The following SLC4A10 variants were observed in gnomAD, a reference collection of about 807,000 sequenced individuals.
SLC4A10 encodes the protein sodium-driven chloride bicarbonate exchanger.
A neutral mutation model predicts 137.7 loss-of-function variants in SLC4A10; 42 were observed. The ratio of observed to expected loss-of-function variants is 0.30; its 90% CI spans 0.24 to 0.39. The LOEUF (loss-of-function observed/expected upper bound fraction) is 0.39. Ranked by LOEUF, SLC4A10 falls within the 10% of genes least tolerant of loss-of-function variation. The pLI is 1.00. For synonymous variants in SLC4A10, 474 were observed against 464.1 expected, an observed-to-expected ratio of 1.02 and a Z score of -0.27; for missense variants, 925 against 1,355.0, an observed-to-expected ratio of 0.68 and a Z score of 4.98.
chr2:161,650,896 C>G (rs1047235712), intron 1 of SLC4A10: 2 of 152,484 alleles, frequency 1.3e-5, no homozygotes, highest in Non-Finnish European at 2.9e-5. Flanking sequence ...TTGATGGCGG[C>G]AAGAGGCAGA....
intron 2 of SLC4A10, among the ~76,000 whole-genome samples, chr2:161,781,246 T>C (rs558588351): frequency 6.6e-6 from 1 of 152,200 alleles, no homozygotes; most frequent in South Asian, 2.1e-4. Context: ...CTGCAGGAAA[T>C]GATGGACTAA....
intron 2 of SLC4A10, among the ~76,000 whole-genome samples, chr2:161,788,941 G>A (rs1335527010): frequency 7.2e-5 from 11 of 152,226 alleles, no homozygotes; most frequent in African/African-American, 2.4e-4. Flanking sequence ...CTGCACTGAG[G>A]GCTAGATTTC....
intron 1 of SLC4A10, among the ~76,000 whole-genome samples, chr2:161,689,257 G>A (rs1326440112): frequency 6.6e-6 from 1 of 152,144 alleles, no homozygotes; most frequent in Non-Finnish European, 1.5e-5. Context: ...ATACAATTAT[G>A]TCCTAGGCCT....
At chr2:161,708,363 C>A (rs2043914361) in intron 1 of SLC4A10, among the ~76,000 whole-genome samples, 2 of 151,570 alleles carry the variant, frequency 1.3e-5, no homozygotes, top group African/African-American at 4.8e-5. Context: ...GCAACAGACA[C>A]ATTGGATACT....
intron 2 of SLC4A10, among the ~76,000 whole-genome samples, chr2:161,779,627 CAG>C (rs1350735374): frequency 6.6e-6 from 1 of 151,758 alleles, no homozygotes; most frequent in African/African-American, 2.4e-5. Flanking sequence ...AATTGAAAAA[CAG>C]TTTTAAAAAT....
intron 1 of SLC4A10, among the ~76,000 whole-genome samples, chr2:161,637,915 T>C (rs1282730833): frequency 1.3e-5 from 2 of 152,184 alleles, no homozygotes; most frequent in Non-Finnish European, 1.5e-5. Flanking sequence ...TTTTGATGAA[T>C]GCCTAATCAG....
intron 1 of SLC4A10, among the ~76,000 whole-genome samples, chr2:161,761,604 G>A (rs75641726): frequency 0.015 from 2,264 of 152,114 alleles, 24 homozygotes; most frequent in Non-Finnish European, 0.021. Context: ...TGCAGGTTTC[G>A]CTACCCTTTA....
At chr2:161,791,724 G>A (rs941785673) in intron 2 of SLC4A10, among the ~76,000 whole-genome samples, 1 of 152,114 alleles carries the variant, frequency 6.6e-6, no homozygotes, top group Non-Finnish European at 1.5e-5. Flanking sequence ...CATAATTTGT[G>A]TATGTGACTC....
chr2:161,951,746 C>G (rs758605387), intron 19 of SLC4A10, among the ~76,000 whole-genome samples: 2 of 152,046 alleles, frequency 1.3e-5, no homozygotes, highest in Non-Finnish European at 2.9e-5. Flanking sequence ...AAAAATATCT[C>G]TGATTAAACT....
chr2:161,637,179 A>C (rs904377468), intron 1 of SLC4A10, among the ~76,000 whole-genome samples: 4 of 149,444 alleles, frequency 2.7e-5, no homozygotes, highest in African/African-American at 4.9e-5. Context: ...ACATATATAC[A>C]TATATCTAGA....
chr2:161,871,445 A>G (rs961330856), intron 6 of SLC4A10, among the ~76,000 whole-genome samples: 1 of 152,010 alleles, frequency 6.6e-6, no homozygotes, highest in Non-Finnish European at 1.5e-5. Flanking sequence ...TGCATTGCTA[A>G]CTATGAACAA....
intron 26 of SLC4A10, among the ~76,000 whole-genome samples, chr2:161,978,779 T>C (rs1699799605): frequency 1.3e-5 from 2 of 152,220 alleles, no homozygotes; most frequent in Non-Finnish European, 2.9e-5. Context: ...AATTACTCAA[T>C]GGGCTCCCTC....
chr2:161,631,934 AC>A (rs926844482), intron 1 of SLC4A10, among the ~76,000 whole-genome samples: 6 of 151,758 alleles, frequency 4.0e-5, no homozygotes, highest in Non-Finnish European at 8.9e-5. Context: ...AAGTCCCTGT[AC>A]CAACATCAGC....
chr2:161,894,832 A>C lies in SLC4A10; in HGVS notation c.1341+7A>C, dbSNP rs764888625. ...CAAAAATGTTCCTTCCCAGGTATGT[A>C]TATTTGAAGACATTCTTTGAAATTG... On this transcript the variant is annotated splice_region_variant and intron_variant, in intron 11 of 26. Coordinates refer to ENST00000446997, the MANE Select transcript of SLC4A10 (RefSeq NM_001178015.2). The C allele has an allele frequency of 7.5e-7, 1 of 1,339,456 alleles. No homozygotes were observed. Among genetic ancestry groups the C allele is most frequent in the South Asian group, 2.5e-5 (1 of 40,764 alleles). The allele number at this position is 1,339,456 out of a possible 1,614,324, so 83.0% of individuals were successfully genotyped here.
intron 2 of SLC4A10, among the ~76,000 whole-genome samples, chr2:161,781,788 C>A (rs2053046801): frequency 6.6e-6 from 1 of 152,084 alleles, no homozygotes; most frequent in Non-Finnish European, 1.5e-5. Context: ...GGAAATCCAG[C>A]AACTAATTGA....
At chr2:161,732,172 A>G (rs1229971290) in intron 1 of SLC4A10, among the ~76,000 whole-genome samples, 1 of 152,134 alleles carries the variant, frequency 6.6e-6, no homozygotes, top group East Asian at 1.9e-4. Flanking sequence ...TACTAGCCAT[A>G]ATTGAGTAAA....
At chr2:161,640,715 G>T (rs56260047) in intron 1 of SLC4A10, among the ~76,000 whole-genome samples, 11,698 of 147,860 alleles carry the variant, frequency 0.079, 575 homozygotes, top group East Asian at 0.14. Flanking sequence ...GCAGTCGCTG[G>T]TTACAGGCAT....
intron 26 of SLC4A10, among the ~76,000 whole-genome samples, chr2:161,978,383 T>A (rs1259503077): frequency 1.3e-4 from 1 of 7,916 alleles, no homozygotes; most frequent in African/African-American, 6.8e-4. Context: ...AGAGACTCTG[T>A]CAAAAAAAAA....
chr2:161,704,353 T>G (rs1001932809), intron 1 of SLC4A10, among the ~76,000 whole-genome samples: 6 of 151,678 alleles, frequency 4.0e-5, no homozygotes, highest in African/African-American at 1.4e-4. Flanking sequence ...AGGAATGATT[T>G]TTTCAAAGTT....
Sources: gnomAD v4.1 joint callset for allele counts (sites outside exome capture counted in the v4.1 genomes callset) on GRCh38, gnomAD v4.1.1 for gene constraint, MANE v1.5 for transcripts, NCBI Gene and HGNC (gene_info 2026-07-23, HGNC 2026-07-21) for gene names.